Variants in CYP27A1 observed in about 807,000 individuals in gnomAD.
The protein encoded by CYP27A1 is sterol 26-hydroxylase, mitochondrial.
In CYP27A1, 46 loss-of-function variants were observed where a neutral mutation model predicts 58.2. The observed-to-expected ratio is 0.79, with a 90% confidence interval of 0.62 to 1.01. The LOEUF (loss-of-function observed/expected upper bound fraction) is 1.01, where lower values mean the gene tolerates loss of function less well. CYP27A1 is among the 50% of genes least tolerant of loss of function. CYP27A1 has a pLI of 0.00. For missense variants in CYP27A1, 704 were observed against 687.0 expected, an observed-to-expected ratio of 1.02 and a Z score of -0.28; for synonymous variants, 274 against 285.1, an observed-to-expected ratio of 0.96 and a Z score of 0.39.
chr2:218,811,385 A>G (rs544368456), intron 2 of CYP27A1, among the ~76,000 whole-genome samples: 2 of 152,162 alleles, frequency 1.3e-5, no homozygotes. Context: ...TTATTGCTCT[A>G]CAGCTAGCCT....
chr2:218,805,600 A>G (rs1020308118), intron 1 of CYP27A1, among the ~76,000 whole-genome samples: 11 of 71,096 alleles, frequency 1.5e-4, no homozygotes, highest in African/African-American at 5.9e-4. Context: ...TTACTGCTGT[A>G]TCCCTAGGAG....
intron 1 of CYP27A1, among the ~76,000 whole-genome samples, chr2:218,807,037 ACCT>A (rs1285630864): frequency 6.0e-5 from 8 of 134,202 alleles, no homozygotes; most frequent in Non-Finnish European, 1.2e-4. Flanking sequence ...GCTCACTGTA[ACCT>A]CCTCCTCCTC....
chr2:218,814,372 C>G lies in CYP27A1; in HGVS notation c.1185-8C>G, dbSNP rs1943763215. On this transcript the variant is annotated splice_region_variant and splice_polypyrimidine_tract_variant and intron_variant, in intron 6 of 8. Transcript: ENST00000258415. ...CAGAGCAGACTCCAGACATTCTTTTCCCTGCAGTCTCTACCCTGTGGTCCC... is the reference window on the plus strand; with the variant it reads ...CAGAGCAGACTCCAGACATTCTTTTGCCTGCAGTCTCTACCCTGTGGTCCC... The G allele has an allele frequency of 1.2e-6, 2 of 1,613,512 alleles. No individual in the cohort carries two copies.
intron 1 of CYP27A1, among the ~76,000 whole-genome samples, chr2:218,790,562 C>T (rs1347259936): frequency 6.6e-6 from 1 of 152,186 alleles, no homozygotes; most frequent in Non-Finnish European, 1.5e-5. Flanking sequence ...AGATACTTCC[C>T]TGTTTAGCCA....
Position 218,813,126 on chromosome 2 carries a change from G to A in CYP27A1, c.1017+30G>A, listed in dbSNP as rs754516214. The A allele has an allele frequency of 4.4e-6, 7 of 1,584,976 alleles. No homozygotes were observed. The East Asian group carries it at 6.7e-5, about 15-fold the overall frequency. ...GTGAAGGGGGAGGGTGAGACCAGGG[G>A]CCCCCAGCTCCCAACCTGAACCAGT... On this transcript the variant is annotated intron_variant, in intron 5 of 8. Transcript: ENST00000258415.
chr2:218,802,557 T>C (rs1943609893), intron 1 of CYP27A1, among the ~76,000 whole-genome samples: 1 of 152,368 alleles, frequency 6.6e-6, no homozygotes, highest in East Asian at 1.9e-4. Context: ...TTCTGTTTAC[T>C]CTTCCAGAAG....
intron 1 of CYP27A1, among the ~76,000 whole-genome samples, chr2:218,783,960 C>A (rs1360605314): frequency 6.6e-6 from 1 of 152,122 alleles, no homozygotes; most frequent in Non-Finnish European, 1.5e-5. Flanking sequence ...GTGAAGACGG[C>A]CTGCATGGAA....
chr2:218,794,143 T>C (rs73990972), intron 1 of CYP27A1, among the ~76,000 whole-genome samples: 2,196 of 152,132 alleles, frequency 0.014, 48 homozygotes, highest in African/African-American at 0.049. Context: ...GAGGACAAGC[T>C]CCTCCCTCTG....
intron 1 of CYP27A1, among the ~76,000 whole-genome samples, chr2:218,795,275 G>A (rs1372461705): frequency 1.3e-5 from 2 of 152,154 alleles, no homozygotes; most frequent in Non-Finnish European, 2.9e-5. Context: ...CTTTCCTAGG[G>A]CTTTGACCCG....
At chr2:218,795,904 T>C (rs745987882) in intron 1 of CYP27A1, among the ~76,000 whole-genome samples, 12 of 152,226 alleles carry the variant, frequency 7.9e-5, no homozygotes, top group Non-Finnish European at 1.3e-4. Context: ...TTAGATTGGC[T>C]TTGATGGAAC....
At chr2:218,786,164 G>A (rs1309317451) in intron 1 of CYP27A1, among the ~76,000 whole-genome samples, 2 of 152,186 alleles carry the variant, frequency 1.3e-5, no homozygotes, top group Non-Finnish European at 2.9e-5. Flanking sequence ...AGTTCCCTTG[G>A]CTCAGCTGTC....
chr2:218,784,170 C>T (rs1297118291), intron 1 of CYP27A1, among the ~76,000 whole-genome samples: 2 of 152,212 alleles, frequency 1.3e-5, no homozygotes, highest in Non-Finnish European at 2.9e-5. Context: ...GGGCTGCATC[C>T]TCTGCCCTGT....
chr2:218,805,744 C>A (rs1403021016), intron 1 of CYP27A1, among the ~76,000 whole-genome samples: 1 of 152,200 alleles, frequency 6.6e-6, no homozygotes, highest in Non-Finnish European at 1.5e-5. Flanking sequence ...GGCTCTTAGA[C>A]AGGACCCATC....
intron 1 of CYP27A1, among the ~76,000 whole-genome samples, chr2:218,797,136 C>T (rs1179560333): frequency 6.6e-6 from 1 of 152,110 alleles, no homozygotes; most frequent in African/African-American, 2.4e-5. Context: ...GCTCTTGTTG[C>T]CCAGGCTGGA....
At chr2:218,800,337 G>C (rs1943587412) in intron 1 of CYP27A1, among the ~76,000 whole-genome samples, 1 of 152,036 alleles carries the variant, frequency 6.6e-6, no homozygotes, top group African/African-American at 2.4e-5. Context: ...CGGTGCTATG[G>C]CAAAGTAACG....
At chr2:218,810,558 G>A (rs1943702359) in intron 2 of CYP27A1, among the ~76,000 whole-genome samples, 1 of 152,162 alleles carries the variant, frequency 6.6e-6, no homozygotes, top group Non-Finnish European at 1.5e-5. Context: ...CTCATGATAA[G>A]TTTGGGGTTC....
At position 218,812,693 on chromosome 2, in the gene CYP27A1, C is replaced by G. The variant is rs1274003022; in HGVS notation, c.788C>G (p.Pro263Arg). 1.9e-6 allele frequency: 3 copies of G among 1,614,092 alleles called. No individual in the cohort carries two copies. In the Admixed American group the frequency reaches 5.0e-5, roughly 27 times the overall value. Residue 263 changes from proline (P) to arginine (R), a missense_variant, in exon 4 of 9, where the codon CCC (proline) becomes CGC (arginine). Physicochemically the swap from Pro to Arg is moderately radical, Grantham distance 103. Transcript: ENST00000258415. The stretch of plus-strand genomic sequence containing the variant: ...ACCTTCCTCCCCAAGTGGACTCGCC[C>G]CGTGCTGCCTTTCTGGAAGCGATAC... Reference protein sequence around the residue: ...YATFLPKWTRPVLPFWKRYLD... With the variant: ...YATFLPKWTRRVLPFWKRYLD...
intron 1 of CYP27A1, among the ~76,000 whole-genome samples, chr2:218,797,833 T>A (rs1943561102): frequency 2.6e-5 from 4 of 152,236 alleles, no homozygotes; most frequent in Admixed American, 2.6e-4. Flanking sequence ...ATGCTCAATT[T>A]ACAGAAAAAG....
rs371155942 is a variant in CYP27A1, at chr2:218,800,279, G to T, written c.256-9298G>T. On this transcript the variant is annotated intron_variant, in intron 1 of 8. Coordinates refer to ENST00000258415, the MANE Select transcript of CYP27A1 (RefSeq NM_000784.4). ...GATCACAGGGCAATCAGTCTTCAAG[G>T]CTCAGGGAAGGCTGAGTCCAAGCCT... 1.8e-4 allele frequency among the ~76,000 whole-genome samples: 28 copies of T among 152,164 alleles called. No homozygotes were observed. In the East Asian group the frequency reaches 4.1e-3, roughly 22 times the overall value.
Sources: allele counts gnomAD v4.1 joint callset (sites outside exome capture counted in the v4.1 genomes callset), GRCh38; gene constraint gnomAD v4.1.1; transcripts MANE v1.5; gene names NCBI Gene and HGNC (gene_info 2026-07-23, HGNC 2026-07-21).